SMIM17: variants seen among roughly 807,000 people sequenced by gnomAD.
The protein encoded by SMIM17 is small integral membrane protein 17.
In SMIM17, 10 loss-of-function variants were observed where a neutral mutation model predicts 12.2. The ratio of observed to expected loss-of-function variants is 0.82; its 90% CI spans 0.50 to 1.39. The LOEUF (loss-of-function observed/expected upper bound fraction) is 1.39, where lower values mean the gene tolerates loss of function less well. Ranked by LOEUF, SMIM17 falls within the 40% of genes most tolerant of loss-of-function variation. The probability of loss-of-function intolerance (pLI) is 0.00; values close to 1 mark genes in which losing one functional copy is unlikely to be tolerated. For missense variants in SMIM17, 136 were observed against 118.2 expected (o/e 1.15, Z -0.70); for synonymous variants, 50 against 44.1 (o/e 1.13, Z -0.53).
Position 56,647,536 on chromosome 19 carries a change from C to T in SMIM17, c.170-22C>T, listed in dbSNP as rs966078993. The T allele has an allele frequency of 1.5e-5, 23 of 1,527,826 alleles. No individual in the cohort carries two copies. In the African/African-American group the frequency reaches 1.8e-4, roughly 12 times the overall value. 94.6% of individuals were successfully genotyped at this position (1,527,826 alleles called of 1,614,324 possible). ...GCCACTCACTCATGGCTCCTTTTTC[C>T]TCCACTCCCACCCTCACCCAGACCT... is the stretch of plus-strand genomic sequence containing the variant. On this transcript the variant is annotated intron_variant, in intron 2 of 3. Transcript: ENST00000598409.
At position 56,645,813 on chromosome 19, in the gene SMIM17, C is replaced by A. The variant is rs1397347865; in HGVS notation, c.146C>A (p.Ser49Tyr). Residue 49 changes from serine to tyrosine, a missense_variant, in exon 2 of 4, where the codon TCC becomes TAC. Transcript: ENST00000598409. ...KDWEAVEVGA[S>Y]SHDSDEKDLS... ...TGGGAGGCTGTGGAGGTTGGGGCCT[C>A]CAGCCATGACAGTGATGAGAAAGGT... 2 of 1,534,616 alleles carry A rather than the reference C, an allele frequency of 1.3e-6. No homozygotes were observed. The highest frequency in any genetic ancestry group is 1.7e-6 in the Non-Finnish European group (2 of 1,146,374).
At chr19:56,650,857 CA>C (rs2045103816) in intron 3 of SMIM17, among the ~76,000 whole-genome samples, 1 of 152,206 alleles carries the variant, frequency 6.6e-6, no homozygotes, top group African/African-American at 2.4e-5. Flanking sequence ...GAAGAAATGA[CA>C]AGGTCGATTT....
intron 3 of SMIM17, among the ~76,000 whole-genome samples, chr19:56,650,655 C>G (rs2045102038): frequency 1.3e-5 from 2 of 152,164 alleles, no homozygotes; most frequent in African/African-American, 4.8e-5. Flanking sequence ...GGTAGCAGAG[C>G]TAGCATAGAG....
rs10424367 is a variant in SMIM17 at position 56,657,074 on chromosome 19, T to G, written c.*1861T>G. On this transcript the variant is annotated 3_prime_UTR_variant, in exon 4 of 4. Coordinates refer to ENST00000598409, the MANE Select transcript of SMIM17 (RefSeq NM_001193628.2). ...TTATGTGAAACTTTGTTAGTACAATTGTTTTTGCTAATAAATTTTTATAAT... is the reference window on the plus strand; with the variant it reads ...TTATGTGAAACTTTGTTAGTACAATGGTTTTTGCTAATAAATTTTTATAAT... Among the ~76,000 whole-genome samples the G allele has an allele frequency of 2.2e-4, 34 of 151,472 alleles. No individual in the cohort carries two copies. The highest frequency in any genetic ancestry group is 7.9e-4 in the African/African-American group (32 of 40,720).
Position 56,656,179 on chromosome 19 carries a change from C to T in SMIM17, c.*966C>T, listed in dbSNP as rs375957832. 6.6e-6 allele frequency among the ~76,000 whole-genome samples: 1 copy of T among 151,930 alleles called. No individual in the cohort carries two copies. Among genetic ancestry groups the T allele is most frequent in the Admixed American group, 6.6e-5 (1 of 15,248 alleles). On this transcript the variant is annotated 3_prime_UTR_variant, in exon 4 of 4. Coordinates refer to ENST00000598409, the MANE Select transcript of SMIM17 (RefSeq NM_001193628.2). ...CAGGATGGTCTCGATCTCCTGACCT[C>T]GTGATCCGCCCGCCTTGGCCTCCCA...
At chr19:56,649,460 A>G (rs1176767484) in intron 3 of SMIM17, among the ~76,000 whole-genome samples, 2 of 152,098 alleles carry the variant, frequency 1.3e-5, no homozygotes, top group Non-Finnish European at 2.9e-5. Flanking sequence ...TAAAATATGA[A>G]TTGGGTTGAG....
intron 3 of SMIM17, among the ~76,000 whole-genome samples, chr19:56,650,337 C>CTAATTCTT (rs2148042222): frequency 6.6e-6 from 1 of 152,202 alleles, no homozygotes; most frequent in East Asian, 1.9e-4. Context: ...CCATGCCCAG[C>CTAATTCTT]TAATTCTTGT....
At chr19:56,647,718 G>C in intron 3 of SMIM17, 84 bp downstream of exon 3, 1 of 1,142,346 alleles carries the variant, frequency 8.8e-7, no homozygotes, top group East Asian at 2.6e-5. Flanking sequence ...TCTCAGCTTG[G>C]AATTTACCTG....
chr19:56,645,255 C>T (rs867577074), intron 1 of SMIM17, among the ~76,000 whole-genome samples: 84 of 150,982 alleles, frequency 5.6e-4, no homozygotes, highest in South Asian at 3.8e-3. Context: ...GACTGTGTGT[C>T]TGTGTGTGTG....
intron 3 of SMIM17, 98 bp downstream of exon 3, chr19:56,647,732 C>T: frequency 2.0e-6 from 2 of 1,011,038 alleles, no homozygotes; most frequent in Non-Finnish European, 2.9e-6. Flanking sequence ...TTACCTGCCC[C>T]ATAAAAATCT....
intron 3 of SMIM17, among the ~76,000 whole-genome samples, chr19:56,650,411 A>G (rs2045100345): frequency 6.6e-6 from 1 of 152,140 alleles, no homozygotes; most frequent in Non-Finnish European, 1.5e-5. Flanking sequence ...TGACCTCGTA[A>G]TCCGCCCACC....
At chr19:56,652,667 A>G (rs1032994164) in intron 3 of SMIM17, among the ~76,000 whole-genome samples, 1 of 147,426 alleles carries the variant, frequency 6.8e-6, no homozygotes, top group African/African-American at 2.7e-5. Context: ...AAAAAGAAAA[A>G]AAAAAGAGAG....
chr19:56,650,647 T>C (rs1028328236), intron 3 of SMIM17, among the ~76,000 whole-genome samples: 16 of 152,136 alleles, frequency 1.1e-4, no homozygotes, highest in Non-Finnish European at 2.2e-4. Context: ...AATGAGTGGG[T>C]AGCAGAGCTA....
Position 56,655,375 on chromosome 19 carries a change from G to GT in SMIM17, c.*166dup, listed in dbSNP as rs2045142034. On this transcript the variant is annotated 3_prime_UTR_variant, in exon 4 of 4. Coordinates refer to ENST00000598409, the MANE Select transcript of SMIM17 (RefSeq NM_001193628.2). ...GATTTTTAAAAAATTTTTGGTGTGA[G>GT]TTTTCACATACTTTATTTCCATGAA... is the stretch of plus-strand genomic sequence containing the variant. The GT allele has an allele frequency of 2.0e-6, 1 of 495,192 alleles. No homozygotes were observed. Among genetic ancestry groups the GT allele is most frequent in the South Asian group, 3.9e-5 (1 of 25,328 alleles). The allele number at this position is 495,192 out of a possible 1,614,324, so 30.7% of individuals were successfully genotyped here. A position where few individuals can be genotyped will look rare whatever the true frequency, so the allele number is the denominator to read the frequency against.
intron 2 of SMIM17, 87 bp from the exon 3 acceptor site, chr19:56,647,471 G>T: frequency 2.4e-6 from 2 of 847,832 alleles, no homozygotes; most frequent in Non-Finnish European, 3.6e-6. Flanking sequence ...ACTAGAAAAG[G>T]GACAAGATGC....
intron 3 of SMIM17, among the ~76,000 whole-genome samples, chr19:56,654,477 C>T (rs980203283): frequency 3.3e-5 from 5 of 152,168 alleles, no homozygotes; most frequent in African/African-American, 9.7e-5. Context: ...ATGACAGTGG[C>T]TTTGGCCAGG....
intron 1 of SMIM17, among the ~76,000 whole-genome samples, chr19:56,644,609 G>A (rs753817863): frequency 6.6e-5 from 10 of 152,182 alleles, no homozygotes; most frequent in Non-Finnish European, 1.3e-4. Flanking sequence ...TCAGACAGGA[G>A]ACCTGATCTC....
chr19:56,654,605 C>G (rs1568519506), intron 3 of SMIM17, among the ~76,000 whole-genome samples: 1 of 152,048 alleles, frequency 6.6e-6, no homozygotes, highest in South Asian at 2.1e-4. Context: ...AAGGATACAA[C>G]AATTGGAGGT....
At chr19:56,654,820 G>A (rs1291481723) in intron 3 of SMIM17, among the ~76,000 whole-genome samples, 1 of 152,140 alleles carries the variant, frequency 6.6e-6, no homozygotes, top group Non-Finnish European at 1.5e-5. Flanking sequence ...TCTTGAGGGG[G>A]TGGGGTCATT....
Sources: gnomAD v4.1 joint callset for allele counts (sites outside exome capture counted in the v4.1 genomes callset) on GRCh38, gnomAD v4.1.1 for gene constraint, MANE v1.5 for transcripts, NCBI Gene and HGNC (gene_info 2026-07-23, HGNC 2026-07-21) for gene names.